The following ANKRD11 variants were observed in gnomAD, a reference collection of about 807,000 sequenced individuals.
The protein encoded by ANKRD11 is ankyrin repeat domain 11, also known as ankyrin repeat domain-containing protein 11.
In ANKRD11, 17 loss-of-function variants were observed where a neutral mutation model predicts 195.7. That is an observed-to-expected ratio of 0.09 (90% confidence interval 0.06 to 0.13). The LOEUF (loss-of-function observed/expected upper bound fraction) is 0.13, where lower values mean the gene tolerates loss of function less well. Among genes scored for constraint, ANKRD11 ranks in the 10% least tolerant of loss-of-function variants. The probability of loss-of-function intolerance (pLI) is 1.00; values close to 1 mark genes in which losing one functional copy is unlikely to be tolerated. For missense variants in ANKRD11, 3,735 were observed against 3,566.1 expected (o/e 1.05, Z -1.21); for synonymous variants, 1,953 against 1,528.1 (o/e 1.28, Z -6.49).
At chr16:89,409,114 G>A (rs777029560) in intron 2 of ANKRD11, among the ~76,000 whole-genome samples, 3 of 152,198 alleles carry the variant, frequency 2.0e-5, no homozygotes, top group Non-Finnish European at 4.4e-5. Context: ...AGTGAGCCCT[G>A]GGGCCAGGTA....
chr16:89,301,757 C>CA (rs1245311745), intron 4 of ANKRD11: 2 of 397,406 alleles, frequency 5.0e-6, no homozygotes, highest in Non-Finnish European at 8.9e-6. Context: ...GGCTGATTCA[C>CA]AACAGACAGA....
At chr16:89,464,049 G>C (rs2056796151) in intron 1 of ANKRD11, among the ~76,000 whole-genome samples, 1 of 152,138 alleles carries the variant, frequency 6.6e-6, no homozygotes, top group African/African-American at 2.4e-5. Context: ...GACCAGCCTG[G>C]CCAACATGGT....
At chr16:89,418,098 A>G (rs371396293) in intron 2 of ANKRD11, among the ~76,000 whole-genome samples, 186 bp downstream of exon 2, 23 of 152,378 alleles carry the variant, frequency 1.5e-4, no homozygotes, top group African/African-American at 5.5e-4. Context: ...CATTAATCCA[A>G]AAATGCTTAC....
intron 2 of ANKRD11, among the ~76,000 whole-genome samples, chr16:89,332,263 G>A (rs1458630066): frequency 6.6e-6 from 1 of 152,102 alleles, no homozygotes. Context: ...CACTGAAACA[G>A]ACAAAAAACT....
Position 89,286,310 on chromosome 16 carries a change from C to T in ANKRD11, c.745-124G>A, listed in dbSNP as rs1357767234. 7.9e-6 allele frequency: 11 copies of T among 1,398,076 alleles called. No individual in the cohort carries two copies. The Admixed American group carries it at 1.9e-4, about 24-fold the overall frequency. 86.6% of individuals were successfully genotyped at this position (1,398,076 alleles called of 1,614,324 possible). A position where few individuals can be genotyped will look rare whatever the true frequency, so the allele number is the denominator to read the frequency against. On this transcript the variant is annotated intron_variant, in intron 7 of 12. Transcript: ENST00000301030. ...CGACCCGAGAGCAGCCCCTCACGGT[C>T]TGAGGGTGTGGGAGCCGAGCGCCCA...
chr16:89,488,255 G>C (rs1306598949), intron 1 of ANKRD11, among the ~76,000 whole-genome samples: 4 of 152,120 alleles, frequency 2.6e-5, no homozygotes, highest in East Asian at 3.9e-4. Flanking sequence ...AAACGTCACA[G>C]CAACTTGGTC....
At chr16:89,361,141 G>C (rs3114870) in intron 2 of ANKRD11, among the ~76,000 whole-genome samples, 138,477 of 152,296 alleles carry the variant, frequency 0.91, 63,100 homozygotes, top group African/African-American at 0.98. Flanking sequence ...GGCTAGGCCC[G>C]TACTTCTTCC....
chr16:89,338,549 T>A (rs560357437), intron 2 of ANKRD11, among the ~76,000 whole-genome samples: 1 of 151,248 alleles, frequency 6.6e-6, no homozygotes, highest in East Asian at 1.9e-4. Context: ...GCCAACATGA[T>A]GACTGTCTCT....
intron 2 of ANKRD11, among the ~76,000 whole-genome samples, chr16:89,359,495 T>C (rs1363642086): frequency 6.6e-6 from 1 of 152,216 alleles, no homozygotes; most frequent in Non-Finnish European, 1.5e-5. Flanking sequence ...GGGATGCAGA[T>C]GGCAGCACTG....
chr16:89,353,267 A>G (rs1485606480), intron 2 of ANKRD11, among the ~76,000 whole-genome samples: 4 of 151,686 alleles, frequency 2.6e-5, no homozygotes, highest in Admixed American at 6.6e-5. Context: ...GCTTCAACTC[A>G]GGAGGCGGAG....
intron 2 of ANKRD11, among the ~76,000 whole-genome samples, chr16:89,322,057 C>T (rs1248378989): frequency 1.3e-5 from 2 of 152,210 alleles, no homozygotes; most frequent in Non-Finnish European, 2.9e-5. Flanking sequence ...GTGTGACTGG[C>T]TTTATGTGGT....
intron 2 of ANKRD11, among the ~76,000 whole-genome samples, chr16:89,386,660 T>C (rs1014867756): frequency 3.9e-5 from 6 of 152,206 alleles, no homozygotes; most frequent in African/African-American, 1.4e-4. Context: ...TCCAGGAAAC[T>C]TGACTCCCTT....
chr16:89,428,169 C>T (rs546068449), intron 1 of ANKRD11, among the ~76,000 whole-genome samples: 10 of 151,758 alleles, frequency 6.6e-5, no homozygotes, highest in African/African-American at 2.4e-4. Flanking sequence ...GATCGTGCCA[C>T]TGCACTACAG....
Position 89,349,887 on chromosome 16 carries a change from CACACACACACACACACACACACACAT to C in ANKRD11, c.-59-32835_-59-32810del, listed in dbSNP as rs879548390. On this transcript the variant is annotated intron_variant, in intron 2 of 12. Transcript: ENST00000301030. ...ACACACACACACACACACACACACACACACACACACACACACACACACACATATTCAAACAACAAATAGCTGGTAAA... is the reference window on the plus strand; with the variant it reads ...ACACACACACACACACACACACACACATTCAAACAACAAATAGCTGGTAAA... 9.9e-3 allele frequency among the ~76,000 whole-genome samples: 1,281 copies of C among 129,614 alleles called. 5 individuals are homozygous for C. Among genetic ancestry groups the C allele is most frequent in the Admixed American group, 0.013 (177 of 13,356 alleles). The allele number at this position is 129,614 out of a possible 152,430, so 85.0% of individuals were successfully genotyped here.
intron 2 of ANKRD11, among the ~76,000 whole-genome samples, chr16:89,410,904 T>A (rs915839056): frequency 6.6e-6 from 1 of 152,200 alleles, no homozygotes; most frequent in Admixed American, 6.5e-5. Flanking sequence ...CAGAGCCTTA[T>A]GTACTGGGCC....
intron 2 of ANKRD11, among the ~76,000 whole-genome samples, chr16:89,396,304 A>G (rs951349792): frequency 6.6e-6 from 1 of 152,160 alleles, no homozygotes; most frequent in African/African-American, 2.4e-5. Context: ...TTGGGTGCAC[A>G]CTGTGTGCTG....
At chr16:89,375,768 T>TAA (rs36033030) in intron 2 of ANKRD11, among the ~76,000 whole-genome samples, 20 of 84,532 alleles carry the variant, frequency 2.4e-4, no homozygotes, top group African/African-American at 6.9e-4. Context: ...CTCCGTCTCT[T>TAA]AAAAAAAAAA....
chr16:89,327,593 T>C (rs886220350), intron 2 of ANKRD11, among the ~76,000 whole-genome samples: 1 of 152,088 alleles, frequency 6.6e-6, no homozygotes, highest in Non-Finnish European at 1.5e-5. Context: ...AAACAAGAAA[T>C]AAAGACAGTA....
At chr16:89,367,150 A>AG (rs1388034482) in intron 2 of ANKRD11, among the ~76,000 whole-genome samples, 1 of 152,108 alleles carries the variant, frequency 6.6e-6, no homozygotes, top group African/African-American at 2.4e-5. Context: ...CCCATCGGTG[A>AG]GGAAGAGCAG....
Sources: allele counts gnomAD v4.1 joint callset (sites outside exome capture counted in the v4.1 genomes callset), GRCh38; gene constraint gnomAD v4.1.1; transcripts MANE v1.5; gene names NCBI Gene and HGNC (gene_info 2026-07-23, HGNC 2026-07-21).